Variants in PIK3R3 observed in about 807,000 individuals in gnomAD.
PIK3R3 encodes the protein phosphoinositide-3-kinase regulatory subunit 3.
A neutral mutation model predicts 62.9 loss-of-function variants in PIK3R3; 64 were observed. The observed-to-expected ratio is 1.02, with a 90% CI of 0.83 to 1.25. PIK3R3 has a LOEUF of 1.25. PIK3R3 is among the 50% of genes most tolerant of loss of function. PIK3R3 has a pLI of 0.00. For synonymous variants in PIK3R3, 165 were observed against 189.0 expected (o/e 0.87, Z 1.04); for missense variants, 614 against 561.6 (o/e 1.09, Z -0.94).
upstream of PIK3R3, chr1:46,132,645 G>A (rs892090343): frequency 4.7e-6 from 6 of 1,289,784 alleles, no homozygotes; most frequent in Non-Finnish European, 6.1e-6. Flanking sequence ...CCAGCCACTA[G>A]AGTTTCATTT....
At chr1:46,089,533 G>C (rs1298524040) in intron 1 of PIK3R3, among the ~76,000 whole-genome samples, 1 of 152,072 alleles carries the variant, frequency 6.6e-6, no homozygotes, top group Non-Finnish European at 1.5e-5. Flanking sequence ...GGCTAACACA[G>C]TGAAACCCCA....
chr1:46,153,648 A>G, the PIK3R3 span, among the ~76,000 whole-genome samples: 1 of 152,260 alleles, frequency 6.6e-6, no homozygotes, highest in South Asian at 2.1e-4. Flanking sequence ...AGACTTTTTC[A>G]TCTTGTTAGA....
At chr1:46,152,842 A>G in the PIK3R3 span, among the ~76,000 whole-genome samples, 4 of 152,128 alleles carry the variant, frequency 2.6e-5, no homozygotes, top group Admixed American at 6.5e-5. Flanking sequence ...GATTACAGGC[A>G]TGAGCCACCG....
At chr1:46,072,546 T>C (rs989787770) in intron 3 of PIK3R3, among the ~76,000 whole-genome samples, 2 of 152,244 alleles carry the variant, frequency 1.3e-5, no homozygotes, top group African/African-American at 4.8e-5. Context: ...CAAAATGTAG[T>C]ATATACATAT....
upstream of PIK3R3, among the ~76,000 whole-genome samples, chr1:46,135,428 A>C (rs1203425625): frequency 1.3e-5 from 2 of 152,184 alleles, no homozygotes; most frequent in Non-Finnish European, 2.9e-5. Flanking sequence ...CAAGCTGCTT[A>C]GTTTATAGTG....
In PIK3R3 at chr1:46,040,769, A is replaced by G. The variant is rs932138920; in HGVS notation, c.*2904T>C. ...GGCTCTCAAAGCTTCTTCAAAGCAC[A>G]TGAGGCCTAAATAAGTGGAGGTCCC... On this transcript the variant is annotated 3_prime_UTR_variant, in exon 10 of 10. Coordinates refer to ENST00000262741, the MANE Select transcript of PIK3R3 (RefSeq NM_003629.4). 4 of 192,920 alleles carry G rather than the reference A, an allele frequency of 2.1e-5. No individual in the cohort carries two copies. The highest frequency in any genetic ancestry group is 1.1e-5 in the Non-Finnish European group (1 of 92,332). 12.0% of individuals were successfully genotyped at this position (192,920 alleles called of 1,614,324 possible). A position where few individuals can be genotyped will look rare whatever the true frequency, so the allele number is the denominator to read the frequency against.
At chr1:46,138,698 G>C in the PIK3R3 span, among the ~76,000 whole-genome samples, 1 of 152,212 alleles carries the variant, frequency 6.6e-6, no homozygotes, top group Non-Finnish European at 1.5e-5. Context: ...CTTCTGCAGG[G>C]GCATCATTCT....
rs573284154 is a variant in PIK3R3, at chr1:46,128,878, C to T, written c.106+2969G>A. On this transcript the variant is annotated intron_variant, in intron 1 of 9. Coordinates refer to ENST00000262741, the MANE Select transcript of PIK3R3 (RefSeq NM_003629.4). ...GGCAGATCACCTGAGGTCAGGAGTT[C>T]GATATCAGCCTGGTGAAACCCTGTC... 7.7e-4 allele frequency among the ~76,000 whole-genome samples: 117 copies of T among 152,186 alleles called. 2 individuals are homozygous for T. Among genetic ancestry groups the T allele is most frequent in the Middle Eastern group, 6.8e-3 (2 of 294 alleles).
the PIK3R3 span, among the ~76,000 whole-genome samples, chr1:46,164,000 G>A: frequency 1.3e-5 from 2 of 152,050 alleles, no homozygotes; most frequent in African/African-American, 4.8e-5. Context: ...GTGGTAGCAG[G>A]GGCACCCCCT....
chr1:46,147,432 G>A, the PIK3R3 span, among the ~76,000 whole-genome samples: 1 of 151,006 alleles, frequency 6.6e-6, no homozygotes, highest in Non-Finnish European at 1.5e-5. Flanking sequence ...TGTTATTGTT[G>A]TTTTGAGACG....
chr1:46,120,131 C>T (rs1251855441), intron 1 of PIK3R3, among the ~76,000 whole-genome samples: 1 of 152,162 alleles, frequency 6.6e-6, no homozygotes, highest in Non-Finnish European at 1.5e-5. Context: ...ACTTGCTACA[C>T]TAACACTATT....
chr1:46,077,399 AT>A, intron 3 of PIK3R3, 115 bp downstream of exon 3: 1 of 485,116 alleles, frequency 2.1e-6, no homozygotes, highest in Non-Finnish European at 3.7e-6. Flanking sequence ...ATGTACATAA[AT>A]TAAATGAAAA....
At chr1:46,109,446 A>G (rs1363967537) in intron 1 of PIK3R3, among the ~76,000 whole-genome samples, 1 of 151,682 alleles carries the variant, frequency 6.6e-6, no homozygotes, top group East Asian at 1.9e-4. Flanking sequence ...TTCTTGAAAA[A>G]TCTCTACCCG....
chr1:46,146,622 G>T, the PIK3R3 span, among the ~76,000 whole-genome samples: 1 of 150,668 alleles, frequency 6.6e-6, no homozygotes, highest in Non-Finnish European at 1.5e-5. Flanking sequence ...CTTGGAGGAG[G>T]CTCCAGTTCT....
At chr1:46,124,943 C>T (rs571406378) in intron 1 of PIK3R3, among the ~76,000 whole-genome samples, 18 of 151,002 alleles carry the variant, frequency 1.2e-4, no homozygotes, top group South Asian at 4.2e-4. Flanking sequence ...ACTTAAAATA[C>T]GAAAAATAAG....
intron 2 of PIK3R3, among the ~76,000 whole-genome samples, chr1:46,077,834 T>C (rs1650212217): frequency 6.6e-6 from 1 of 152,220 alleles, no homozygotes. Flanking sequence ...AGAAGAGCTA[T>C]TTGATTTTTA....
At position 46,041,826 on chromosome 1, in the gene PIK3R3, A is replaced by G. The variant is rs781583994; in HGVS notation, c.*1847T>C. On this transcript the variant is annotated 3_prime_UTR_variant, in exon 10 of 10. Transcript: ENST00000262741. Reference sequence around the variant, plus strand: ...TCCTGAAACTGCAGTGTAACCAAGAAAAAGCCAAAGAGAAGCACTTCCCTT... The same window carrying G: ...TCCTGAAACTGCAGTGTAACCAAGAGAAAGCCAAAGAGAAGCACTTCCCTT... 1.9e-5 allele frequency: 4 copies of G among 212,530 alleles called. No individual in the cohort carries two copies. The highest frequency in any genetic ancestry group is 2.9e-5 in the Non-Finnish European group (3 of 104,994). The allele number at this position is 212,530 out of a possible 1,614,324, so 13.2% of individuals were successfully genotyped here. A position where few individuals can be genotyped will look rare whatever the true frequency, so the allele number is the denominator to read the frequency against.
At chr1:46,060,816 T>C (rs1175889595) in intron 6 of PIK3R3, among the ~76,000 whole-genome samples, 1 of 152,236 alleles carries the variant, frequency 6.6e-6, no homozygotes, top group Admixed American at 6.5e-5. Flanking sequence ...CACACAGAAA[T>C]ACACTAATAC....
intron 1 of PIK3R3, among the ~76,000 whole-genome samples, chr1:46,130,173 T>G (rs1044591739): frequency 6.6e-6 from 1 of 152,208 alleles, no homozygotes; most frequent in Non-Finnish European, 1.5e-5. Context: ...TCCCTTTGTA[T>G]GTCTGCAAGG....
Sources: allele counts gnomAD v4.1 joint callset (sites outside exome capture counted in the v4.1 genomes callset), GRCh38; gene constraint gnomAD v4.1.1; transcripts MANE v1.5; gene names NCBI Gene and HGNC (gene_info 2026-07-23, HGNC 2026-07-21).